DNAH3: variants seen among roughly 807,000 people sequenced by gnomAD.
DNAH3 encodes axonemal beta dynein heavy chain 3.
DNAH3 carries 332 observed loss-of-function variants against 432.5 expected under a neutral mutation model. The observed-to-expected ratio is 0.77, with a 90% CI of 0.70 to 0.84. The LOEUF (loss-of-function observed/expected upper bound fraction) is 0.84. DNAH3 is among the 40% of genes least tolerant of loss of function. DNAH3 has a pLI of 0.00. For missense variants in DNAH3, 4,861 were observed against 5,114.0 expected, an observed-to-expected ratio of 0.95 and a Z score of 1.51; for synonymous variants, 1,956 against 1,900.2, an observed-to-expected ratio of 1.03 and a Z score of -0.76.
chr16:21,132,955 C>A (rs1208921847), intron 7 of DNAH3, among the ~76,000 whole-genome samples: 2 of 137,876 alleles, frequency 1.5e-5, no homozygotes, highest in Non-Finnish European at 3.1e-5. Flanking sequence ...TGGACTCCTA[C>A]AATTTTTTTT....
chr16:21,037,938 T>C, exon 34 of DNAH3: 2 of 1,614,190 alleles, frequency 1.2e-6, no homozygotes, highest in Non-Finnish European at 1.7e-6. Context: ...AGGACAGTTG[T>C]TCCGAGCACA....
At chr16:21,020,396 TA>T (rs1258122572) in intron 40 of DNAH3, among the ~76,000 whole-genome samples, 1,235 of 29,170 alleles carry the variant, frequency 0.042, 30 homozygotes, top group African/African-American at 0.068. Flanking sequence ...TATATATATA[TA>T]TTTTTTTTTT....
At chr16:20,975,690 CCTCA>C (rs1309813720) in intron 50 of DNAH3, among the ~76,000 whole-genome samples, 23 of 152,124 alleles carry the variant, frequency 1.5e-4, no homozygotes, top group African/African-American at 5.3e-4. Flanking sequence ...CCGTTTCCTC[CCTCA>C]CTGAGTCTAT....
chr16:21,116,831 C>T (rs2092214332), intron 12 of DNAH3, among the ~76,000 whole-genome samples: 1 of 152,168 alleles, frequency 6.6e-6, no homozygotes. Context: ...GCAGAAATAT[C>T]AACATGTTGC....
chr16:21,019,783 A>G (rs772873951), exon 41 of DNAH3: 1 of 1,614,110 alleles, frequency 6.2e-7, no homozygotes, highest in Non-Finnish European at 8.5e-7. Context: ...GAAAAGAGAA[A>G]CAGTCCTTGG....
At chr16:21,153,484 C>T (rs1489597021) in intron 1 of DNAH3, among the ~76,000 whole-genome samples, 1 of 152,192 alleles carries the variant, frequency 6.6e-6, no homozygotes, top group Non-Finnish European at 1.5e-5. Flanking sequence ...CTAGGCTCTA[C>T]CAATCAGCAG....
rs1167880776 is a variant in DNAH3, at chr16:21,048,368, T to C, written c.4461+1201A>G. ...GACCCTCCGAGCCAGGTGCAGGATA[T>C]AATCTCGTGGTGCCCCGTTTTTTAA... On this transcript the variant is annotated intron_variant, in intron 31 of 61. Coordinates refer to ENST00000261383, the Ensembl canonical transcript of DNAH3. Among the ~76,000 whole-genome samples, 7 of 152,178 alleles carry C rather than the reference T, an allele frequency of 4.6e-5. 1 individual carries two copies. The highest frequency in any genetic ancestry group is 1.3e-4 in the Admixed American group (2 of 15,284).
intron 39 of DNAH3, among the ~76,000 whole-genome samples, chr16:21,024,286 A>T (rs911054767): frequency 1.3e-5 from 2 of 152,162 alleles, no homozygotes; most frequent in African/African-American, 4.8e-5. Flanking sequence ...GGCAATGAAG[A>T]AAGAGGTGAC....
At chr16:21,024,805 T>A in intron 38 of DNAH3, 104 bp from the exon 39 acceptor site, 2 of 878,708 alleles carry the variant, frequency 2.3e-6, no homozygotes, top group South Asian at 1.4e-5. Flanking sequence ...TGCTAGGCAT[T>A]AATGGATCTT....
At chr16:21,034,128 C>G in intron 35 of DNAH3, 43 bp from the exon 36 acceptor site, 2 of 1,322,778 alleles carry the variant, frequency 1.5e-6, no homozygotes, top group Non-Finnish European at 1.1e-6. Context: ...ATCATTGCAA[C>G]GCTCCCCCAT....
rs541538769 is a variant in DNAH3 at position 21,155,618 on chromosome 16, T to C, written c.117+3707A>G. On this transcript the variant is annotated intron_variant, in intron 1 of 61. Coordinates refer to ENST00000261383, the Ensembl canonical transcript of DNAH3. ...GCCTGGGAGACAGAGCAAGACTCCG[T>C]CTCAAAAAAAAAAAAAAAAAAAAAA... 9.9e-3 allele frequency among the ~76,000 whole-genome samples: 800 copies of C among 80,894 alleles called. 6 individuals carry two copies. Among genetic ancestry groups the C allele is most frequent in the Non-Finnish European group, 0.014 (623 of 45,954 alleles). 53.1% of individuals were successfully genotyped at this position (80,894 alleles called of 152,430 possible). A position where few individuals can be genotyped will look rare whatever the true frequency, so the allele number is the denominator to read the frequency against.
At chr16:20,937,952 G>A (rs1331058701) in intron 59 of DNAH3, among the ~76,000 whole-genome samples, 2 of 152,138 alleles carry the variant, frequency 1.3e-5, no homozygotes, top group African/African-American at 2.4e-5. Flanking sequence ...CAAGCCCGGA[G>A]GTAATTCACC....
chr16:20,970,510 G>A (rs1483466648), intron 51 of DNAH3, among the ~76,000 whole-genome samples: 3 of 152,186 alleles, frequency 2.0e-5, no homozygotes, highest in East Asian at 1.9e-4. Flanking sequence ...GCCGACAAGA[G>A]TGAAATTGAA....
At chr16:21,136,571 G>T in intron 5 of DNAH3, 58 bp from the exon 7 acceptor site, 1 of 1,521,228 alleles carries the variant, frequency 6.6e-7, no homozygotes, top group Non-Finnish European at 9.1e-7. Flanking sequence ...GGGTTCAACT[G>T]TCCTGCCCAT....
chr16:20,953,964 C>A (rs908359959), intron 55 of DNAH3, among the ~76,000 whole-genome samples: 1 of 152,074 alleles, frequency 6.6e-6, no homozygotes, highest in Admixed American at 6.6e-5. Context: ...GGTTCATCCA[C>A]GTTGTAGTGT....
rs988831199 is a variant in DNAH3 at position 21,053,231 on chromosome 16, C to T, written c.4039+1189G>A. Among the ~76,000 whole-genome samples the T allele has an allele frequency of 3.3e-5, 5 of 152,120 alleles. 1 individual carries two copies. In the South Asian group the frequency reaches 6.2e-4, roughly 19 times the overall value. ...AATAAAAAACCCTGCAGGGAAGAGT[C>T]CTTGAAGAAGATTATATCCACAGCT... is the stretch of plus-strand genomic sequence containing the variant. On this transcript the variant is annotated intron_variant, in intron 28 of 61. Transcript: ENST00000261383.
At chr16:21,144,837 G>A (rs2092761366) in intron 3 of DNAH3, among the ~76,000 whole-genome samples, 1 of 152,052 alleles carries the variant, frequency 6.6e-6, no homozygotes, top group Admixed American at 6.6e-5. Flanking sequence ...TTCACTCCAG[G>A]CCAGGCACAG....
intron 7 of DNAH3, 89 bp downstream of exon 8, chr16:21,134,170 C>CT (rs2092608546): frequency 7.7e-7 from 1 of 1,296,402 alleles, no homozygotes; most frequent in Admixed American, 2.3e-5. Flanking sequence ...GCTGTCAGGG[C>CT]TACCCCCACT....
intron 27 of DNAH3, 76 bp downstream of exon 27, chr16:21,058,009 GC>G: frequency 1.1e-6 from 1 of 899,266 alleles, no homozygotes; most frequent in Non-Finnish European, 1.9e-6. Context: ...ACAAAACATG[GC>G]TACTCTAATT....
Sources: allele counts gnomAD v4.1 joint callset (sites outside exome capture counted in the v4.1 genomes callset), GRCh38; gene constraint gnomAD v4.1.1; transcripts MANE v1.5; gene names NCBI Gene and HGNC (gene_info 2026-07-23, HGNC 2026-07-21).